The following PTPRO variants were observed in gnomAD, a reference collection of about 807,000 sequenced individuals.
PTPRO encodes receptor-type tyrosine-protein phosphatase O.
PTPRO carries 62 observed loss-of-function variants against 145.2 expected under a neutral mutation model. The observed-to-expected ratio is 0.43, with a 90% confidence interval of 0.35 to 0.53. PTPRO has a LOEUF of 0.53. PTPRO is among the 20% of genes least tolerant of loss of function. The pLI is 0.01. For synonymous variants in PTPRO, 565 were observed against 514.7 expected (o/e 1.10, Z -1.32); for missense variants, 1,345 against 1,482.7 (o/e 0.91, Z 1.53).
chr12:15,448,944 A>G (rs1195402569), intron 1 of PTPRO, among the ~76,000 whole-genome samples: 1 of 152,148 alleles, frequency 6.6e-6, no homozygotes, highest in Non-Finnish European at 1.5e-5. Context: ...ACTTACTTGT[A>G]TGTGGAATCT....
chr12:15,521,952 T>G (rs1361317542), intron 10 of PTPRO, among the ~76,000 whole-genome samples: 3 of 152,278 alleles, frequency 2.0e-5, no homozygotes, highest in Non-Finnish European at 4.4e-5. Context: ...TGGTAAGCAG[T>G]CTGTTGTCAC....
intron 1 of PTPRO, among the ~76,000 whole-genome samples, chr12:15,409,814 G>T (rs2136310906): frequency 6.6e-6 from 1 of 152,294 alleles, no homozygotes; most frequent in African/African-American, 2.4e-5. Flanking sequence ...AGTACCAAGG[G>T]GGAGGGTGCT....
At chr12:15,332,873 C>T (rs148246169) in intron 1 of PTPRO, among the ~76,000 whole-genome samples, 93 of 152,238 alleles carry the variant, frequency 6.1e-4, no homozygotes, top group African/African-American at 2.0e-3. Flanking sequence ...ATAGTAACTG[C>T]TCTTGCTCTC....
At position 15,539,204 on chromosome 12, in the gene PTPRO, T is replaced by TACATAACATACATA. The variant is rs562390307; in HGVS notation, c.2165-7362_2165-7361insTAACATACATAACA. The stretch of plus-strand genomic sequence containing the variant: ...GGATGATGAGAAATTATTTAGTAGG[T>TACATAACATACATA]ACAATGTATGTTATGTGGGTAATGA... On this transcript the variant is annotated intron_variant, in intron 12 of 26. Transcript: ENST00000281171. Among the ~76,000 whole-genome samples, 419 of 152,240 alleles carry TACATAACATACATA rather than the reference T, an allele frequency of 2.8e-3. 1 individual carries two copies. The highest frequency in any genetic ancestry group is 3.4e-3 in the Non-Finnish European group (233 of 68,012).
chr12:15,459,863 G>C lies in PTPRO; in HGVS notation c.76-24111G>C, dbSNP rs149812828. On this transcript the variant is annotated intron_variant, in intron 1 of 26. Transcript: ENST00000281171. ...GCTCAAAATTTTTAATCACAAAGCT[G>C]GTAAGAGGATTTGAACTCAGGTACC... Among the ~76,000 whole-genome samples, 15 of 152,232 alleles carry C rather than the reference G, an allele frequency of 9.9e-5. No homozygotes were observed. In the East Asian group the frequency reaches 2.9e-3, roughly 29 times the overall value.
At chr12:15,511,658 T>C (rs1942442776) in intron 7 of PTPRO, among the ~76,000 whole-genome samples, 2 of 152,154 alleles carry the variant, frequency 1.3e-5, no homozygotes, top group Non-Finnish European at 2.9e-5. Context: ...TTCCGCCTCC[T>C]GGGTTCAAGC....
rs111814373 is a variant in PTPRO, at chr12:15,421,834, C to T, written c.76-62140C>T. 4.8e-3 allele frequency among the ~76,000 whole-genome samples: 727 copies of T among 152,254 alleles called. 3 individuals are homozygous for T. Among genetic ancestry groups the T allele is most frequent in the African/African-American group, 0.016 (676 of 41,558 alleles). Reference sequence around the variant, plus strand: ...TAAATTCTGGAGTGGCTTTAACTAGCTGTGTGATCTTGGGCAAGTTACTTG... The same window carrying T: ...TAAATTCTGGAGTGGCTTTAACTAGTTGTGTGATCTTGGGCAAGTTACTTG... On this transcript the variant is annotated intron_variant, in intron 1 of 26. Transcript: ENST00000281171.
intron 2 of PTPRO, among the ~76,000 whole-genome samples, chr12:15,485,930 C>T (rs1259039549): frequency 6.6e-6 from 1 of 152,082 alleles, no homozygotes; most frequent in Non-Finnish European, 1.5e-5. Flanking sequence ...GATCAGAGAA[C>T]ATATTTTATA....
chr12:15,433,850 A>G (rs763100260), intron 1 of PTPRO, among the ~76,000 whole-genome samples: 6 of 152,074 alleles, frequency 3.9e-5, no homozygotes, highest in African/African-American at 4.8e-5. Flanking sequence ...CTCTTTTTTT[A>G]TTCTATATGA....
At chr12:15,447,671 TG>T (rs1216170560) in intron 1 of PTPRO, among the ~76,000 whole-genome samples, 3 of 152,188 alleles carry the variant, frequency 2.0e-5, no homozygotes, top group African/African-American at 7.2e-5. Context: ...CACAATCCTA[TG>T]CCCCATAGCT....
chr12:15,377,607 C>G (rs117532679), intron 1 of PTPRO, among the ~76,000 whole-genome samples: 100 of 152,110 alleles, frequency 6.6e-4, no homozygotes, highest in Non-Finnish European at 9.7e-4. Flanking sequence ...AAAAGGTCAA[C>G]AAGGAACTAG....
intron 1 of PTPRO, among the ~76,000 whole-genome samples, chr12:15,374,394 A>C (rs1284987995): frequency 6.8e-6 from 1 of 147,284 alleles, no homozygotes; most frequent in African/African-American, 2.7e-5. Context: ...TAACAATTTG[A>C]GGAGTGTTTT....
rs1565454494 is a variant in PTPRO at position 15,596,542 on chromosome 12, C to G, written c.*469C>G. 1 of 152,568 alleles carries G rather than the reference C, an allele frequency of 6.6e-6. No individual in the cohort carries two copies. Among genetic ancestry groups the G allele is most frequent in the East Asian group, 1.9e-4 (1 of 5,192 alleles). The allele number at this position is 152,568 out of a possible 1,614,324, so 9.5% of individuals were successfully genotyped here. A position where few individuals can be genotyped will look rare whatever the true frequency, so the allele number is the denominator to read the frequency against. ...GCATTGTTAGCATCAGATTATACCT[C>G]ATTATTAAAAGGAGGCATGGCCACA... On this transcript the variant is annotated 3_prime_UTR_variant, in exon 27 of 27. Coordinates refer to ENST00000281171, the MANE Select transcript of PTPRO (RefSeq NM_030667.3).
intron 19 of PTPRO, among the ~76,000 whole-genome samples, chr12:15,572,842 G>T (rs1944087961): frequency 6.6e-6 from 1 of 152,128 alleles, no homozygotes. Context: ...GAAAATGTGT[G>T]GGAGTGTTTT....
At chr12:15,455,317 A>C (rs253794) in intron 1 of PTPRO, among the ~76,000 whole-genome samples, 127,930 of 150,644 alleles carry the variant, frequency 0.85, 56,762 homozygotes, top group Non-Finnish European at 0.97. Context: ...CTTCCCCCCC[A>C]CACACACAAT....
intron 1 of PTPRO, among the ~76,000 whole-genome samples, chr12:15,469,587 A>G (rs1250952510): frequency 6.6e-6 from 1 of 152,168 alleles, no homozygotes; most frequent in Non-Finnish European, 1.5e-5. Flanking sequence ...CCTTCCATCA[A>G]ACAGGCGAGC....
At chr12:15,384,002 C>T (rs1938944734) in intron 1 of PTPRO, among the ~76,000 whole-genome samples, 1 of 152,120 alleles carries the variant, frequency 6.6e-6, no homozygotes, top group African/African-American at 2.4e-5. Context: ...TAGAATTGGG[C>T]ATCTTATTTC....
intron 2 of PTPRO, 76 bp from the exon 3 acceptor site, chr12:15,497,169 G>T (rs1942123845): frequency 8.2e-6 from 11 of 1,348,772 alleles, no homozygotes; most frequent in Non-Finnish European, 4.2e-6. Context: ...TGTAATCCTT[G>T]CTTAATTCAA....
intron 24 of PTPRO, 28 bp downstream of exon 24, chr12:15,587,079 A>C: frequency 6.2e-7 from 1 of 1,613,332 alleles, no homozygotes; most frequent in Non-Finnish European, 8.5e-7. Flanking sequence ...ATTTTCTATT[A>C]AATATTAGGA....
Sources: gnomAD v4.1 joint callset for allele counts (sites outside exome capture counted in the v4.1 genomes callset) on GRCh38, gnomAD v4.1.1 for gene constraint, MANE v1.5 for transcripts, NCBI Gene and HGNC (gene_info 2026-07-23, HGNC 2026-07-21) for gene names.